CTNNA2: variants seen among roughly 807,000 people sequenced by gnomAD.
CTNNA2 encodes catenin alpha-2.
CTNNA2 carries 42 observed loss-of-function variants against 101.0 expected under a neutral mutation model. That is an observed-to-expected ratio of 0.42 (90% CI 0.32 to 0.54). The LOEUF (loss-of-function observed/expected upper bound fraction) is 0.54. Ranked by LOEUF, CTNNA2 falls within the 20% of genes least tolerant of loss-of-function variation. CTNNA2 has a pLI of 0.14. For missense variants in CTNNA2, 871 were observed against 1,223.1 expected, an observed-to-expected ratio of 0.71 and a Z score of 4.29; for synonymous variants, 450 against 456.4, an observed-to-expected ratio of 0.99 and a Z score of 0.18.
In CTNNA2 at chr2:80,441,794, A is replaced by G. The variant is rs138642469; in HGVS notation, c.1290+22193A>G. Among the ~76,000 whole-genome samples the G allele has an allele frequency of 8.5e-4, 129 of 152,368 alleles. 1 individual carries two copies. Among genetic ancestry groups the G allele is most frequent in the African/African-American group, 2.9e-3 (121 of 41,592 alleles). ...AAGAAATAAGTTGAGCCCAAAGATT[A>G]GGTAAAATAGGAGAGGTCATGATGT... On this transcript the variant is annotated intron_variant, in intron 9 of 18. Coordinates refer to ENST00000402739, the MANE Select transcript of CTNNA2 (RefSeq NM_001282597.3).
chr2:79,515,578 C>T (rs999380376), intron 1 of CTNNA2, among the ~76,000 whole-genome samples: 1 of 152,204 alleles, frequency 6.6e-6, no homozygotes, highest in Non-Finnish European at 1.5e-5. Context: ...AACATTAGTC[C>T]ACTGAGTGGA....
chr2:80,558,853 G>C (rs1246650265), intron 12 of CTNNA2, among the ~76,000 whole-genome samples: 1 of 151,996 alleles, frequency 6.6e-6, no homozygotes, highest in Non-Finnish European at 1.5e-5. Context: ...TTTTTTGTTT[G>C]ATATTTTATT....
rs1249947094 is a variant in CTNNA2, at chr2:80,025,944, G to A, written c.1056+116147G>A. The stretch of plus-strand genomic sequence containing the variant: ...TTCCTGGAGCTTACATGCAAGTAGG[G>A]GCAAAAAGACACAAGCAACATAAGT... On this transcript the variant is annotated intron_variant, in intron 7 of 18. Transcript: ENST00000402739. Among the ~76,000 whole-genome samples the A allele has an allele frequency of 4.6e-5, 7 of 152,208 alleles. No homozygotes were observed. The East Asian group carries it at 1.4e-3, about 29-fold the overall frequency.
At chr2:80,469,458 T>C (rs1439761324) in intron 9 of CTNNA2, among the ~76,000 whole-genome samples, 1 of 151,834 alleles carries the variant, frequency 6.6e-6, no homozygotes, top group African/African-American at 2.4e-5. Flanking sequence ...TATTACGGAG[T>C]TTACTGAATT....
intron 7 of CTNNA2, among the ~76,000 whole-genome samples, chr2:80,109,331 A>G (rs1558817306): frequency 6.6e-6 from 1 of 151,948 alleles, no homozygotes; most frequent in Non-Finnish European, 1.5e-5. Flanking sequence ...CATGGTGGAG[A>G]GCGCCTGTAG....
chr2:80,428,420 A>T (rs1376329552), intron 9 of CTNNA2, among the ~76,000 whole-genome samples: 1 of 152,224 alleles, frequency 6.6e-6, no homozygotes, highest in Non-Finnish European at 1.5e-5. Flanking sequence ...TAGTACTATG[A>T]CTAGAAGAGA....
intron 7 of CTNNA2, among the ~76,000 whole-genome samples, chr2:79,961,393 G>T (rs1407548148): frequency 6.6e-6 from 1 of 151,966 alleles, no homozygotes; most frequent in Non-Finnish European, 1.5e-5. Flanking sequence ...CTTATTACCA[G>T]CCTCATCAGT....
intron 7 of CTNNA2, among the ~76,000 whole-genome samples, chr2:80,117,765 TTCACTCTACC>T (rs1701607414): frequency 6.6e-6 from 1 of 152,156 alleles, no homozygotes; most frequent in Non-Finnish European, 1.5e-5. Context: ...GTGAGTGCAC[TTCACTCTACC>T]AAAATGTTCA....
intron 7 of CTNNA2, among the ~76,000 whole-genome samples, chr2:80,163,796 G>A (rs1298163952): frequency 1.3e-5 from 2 of 151,684 alleles, no homozygotes; most frequent in Non-Finnish European, 2.9e-5. Flanking sequence ...TATAACTCTG[G>A]TTTTTAATAC....
chr2:80,552,231 C>A (rs900722533), intron 11 of CTNNA2, among the ~76,000 whole-genome samples: 2 of 152,042 alleles, frequency 1.3e-5, no homozygotes, highest in African/African-American at 4.8e-5. Context: ...GCAAAACTGT[C>A]ATACAGAGAC....
chr2:80,115,152 G>A (rs1329989950), intron 7 of CTNNA2, among the ~76,000 whole-genome samples: 1 of 152,224 alleles, frequency 6.6e-6, no homozygotes, highest in Non-Finnish European at 1.5e-5. Flanking sequence ...GCTGAGGCCT[G>A]ACTGAGGCTT....
At chr2:79,878,324 A>G (rs1683178146) in intron 6 of CTNNA2, among the ~76,000 whole-genome samples, 1 of 152,170 alleles carries the variant, frequency 6.6e-6, no homozygotes, top group Non-Finnish European at 1.5e-5. Flanking sequence ...TCCTTTGTGT[A>G]TATACCCAAT....
At chr2:80,530,690 T>A (rs1368397728) in intron 9 of CTNNA2, among the ~76,000 whole-genome samples, 1 of 152,124 alleles carries the variant, frequency 6.6e-6, no homozygotes, top group Non-Finnish European at 1.5e-5. Context: ...TCAGAGATGG[T>A]GCTGCAATAC....
rs144841929 is a variant in CTNNA2 at position 80,508,445 on chromosome 2, T to C, written c.1291-36537T>C. ...GGTTTCAGTTAGCCCAGATCTCACA[T>C]TGTACTCCAGCCTGGACAACAGAGC... On this transcript the variant is annotated intron_variant, in intron 9 of 18. Coordinates refer to ENST00000402739, the MANE Select transcript of CTNNA2 (RefSeq NM_001282597.3). 6.8e-3 allele frequency among the ~76,000 whole-genome samples: 1,035 copies of C among 152,262 alleles called. 4 individuals carry two copies. Among genetic ancestry groups the C allele is most frequent in the African/African-American group, 0.013 (537 of 41,548 alleles).
chr2:79,642,351 T>G (rs1276243497), intron 1 of CTNNA2, among the ~76,000 whole-genome samples: 1 of 152,140 alleles, frequency 6.6e-6, no homozygotes, highest in Non-Finnish European at 1.5e-5. Flanking sequence ...TCACTGCAAA[T>G]AGCAAAAACT....
chr2:79,841,626 T>C (rs1679822703), intron 3 of CTNNA2, among the ~76,000 whole-genome samples: 1 of 152,068 alleles, frequency 6.6e-6, no homozygotes, highest in African/African-American at 2.4e-5. Context: ...AGATGATGAA[T>C]AATTTCTCAT....
At chr2:79,568,291 C>T (rs1675239306) in intron 1 of CTNNA2, among the ~76,000 whole-genome samples, 1 of 152,112 alleles carries the variant, frequency 6.6e-6, no homozygotes, top group African/African-American at 2.4e-5. Context: ...CATAATTTCC[C>T]ATTTTTTCAA....
chr2:79,782,815 T>G (rs1185335484), intron 3 of CTNNA2, among the ~76,000 whole-genome samples: 1 of 151,848 alleles, frequency 6.6e-6, no homozygotes, highest in African/African-American at 2.4e-5. Context: ...AGGGGAAGAG[T>G]GCAAATCCAT....
intron 2 of CTNNA2, among the ~76,000 whole-genome samples, chr2:79,660,270 C>CACATATGTATGTGTATCCATATGTATAT (rs1430358129): frequency 2.3e-5 from 3 of 132,176 alleles, no homozygotes; most frequent in Non-Finnish European, 5.2e-5. Flanking sequence ...TATGTATATA[C>CACATATGTATGTGTATCCATATGTATAT]ACATATGTAT....
Sources: gnomAD v4.1 joint callset for allele counts (sites outside exome capture counted in the v4.1 genomes callset) on GRCh38, gnomAD v4.1.1 for gene constraint, MANE v1.5 for transcripts, NCBI Gene and HGNC (gene_info 2026-07-23, HGNC 2026-07-21) for gene names.